The following FRY variants were observed in gnomAD, a reference collection of about 807,000 sequenced individuals.
FRY encodes the protein protein furry homolog.
In FRY, 128 loss-of-function variants were observed where a neutral mutation model predicts 348.4. The ratio of observed to expected loss-of-function variants is 0.37; its 90% CI spans 0.32 to 0.43. The LOEUF (loss-of-function observed/expected upper bound fraction) is 0.43, where lower values mean the gene tolerates loss of function less well. Among genes scored for constraint, FRY ranks in the 20% least tolerant of loss-of-function variants. The probability of loss-of-function intolerance (pLI) is 1.00; values close to 1 mark genes in which losing one functional copy is unlikely to be tolerated. For missense variants in FRY, 2,736 were observed against 3,695.2 expected (o/e 0.74, Z 6.73); for synonymous variants, 1,370 against 1,374.7 (o/e 1.00, Z 0.08).
intron 53 of FRY, among the ~76,000 whole-genome samples, chr13:32,263,103 A>C (rs1887749455): frequency 6.6e-6 from 1 of 152,202 alleles, no homozygotes; most frequent in Admixed American, 6.5e-5. Context: ...TGTCCTGAAA[A>C]CCATCCACTT....
intron 30 of FRY, 149 bp downstream of exon 30, chr13:32,202,189 T>C: frequency 1.3e-6 from 1 of 791,102 alleles, no homozygotes; most frequent in Non-Finnish European, 2.2e-6. Context: ...AGTAACTATA[T>C]AATCTTTTGT....
rs1429213654 is a variant in FRY, at chr13:32,298,453, A to G, written c.*2993A>G. On this transcript the variant is annotated 3_prime_UTR_variant, in exon 61 of 61. Coordinates refer to ENST00000542859, the MANE Select transcript of FRY (RefSeq NM_023037.3). ...CATGACCCAGGATATTTCTTTGTTCAGCAAATATTTATTGCATGCCCACTC... is the reference window on the plus strand; with the variant it reads ...CATGACCCAGGATATTTCTTTGTTCGGCAAATATTTATTGCATGCCCACTC... The G allele has an allele frequency of 6.6e-6, 1 of 152,260 alleles. No homozygotes were observed. The highest frequency in any genetic ancestry group is 1.5e-5 in the Non-Finnish European group (1 of 68,046). The allele number at this position is 152,260 out of a possible 1,614,324, so 9.4% of individuals were successfully genotyped here. A position where few individuals can be genotyped will look rare whatever the true frequency, so the allele number is the denominator to read the frequency against.
intron 24 of FRY, 33 bp downstream of exon 24, chr13:32,183,067 G>T (rs1037523082): frequency 8.1e-6 from 11 of 1,353,414 alleles, no homozygotes; most frequent in African/African-American, 1.4e-5. Context: ...TTAAGGCTTG[G>T]TTTTTTGGAC....
At chr13:32,155,428 T>C (rs1202790137) in intron 14 of FRY, 63 bp from the exon 15 acceptor site, 27 of 1,167,698 alleles carry the variant, frequency 2.3e-5, no homozygotes, top group Non-Finnish European at 3.4e-5. Context: ...GAAAGACTTA[T>C]GGATGTATTC....
At chr13:32,060,724 G>C in intron 1 of FRY, 1 of 178,186 alleles carries the variant, frequency 5.6e-6, no homozygotes, top group South Asian at 1.3e-4. Context: ...AACTGTGTGG[G>C]TCGGGCTCAT....
In FRY at chr13:32,234,770, G is replaced by C. The variant is rs755920173; in HGVS notation, c.5715+9G>C. 6.2e-7 allele frequency: 1 copy of C among 1,610,994 alleles called. No homozygotes were observed. Among genetic ancestry groups the C allele is most frequent in the Non-Finnish European group, 8.5e-7 (1 of 1,177,320 alleles). On this transcript the variant is annotated intron_variant, in intron 42 of 60. Coordinates refer to ENST00000542859, the MANE Select transcript of FRY (RefSeq NM_023037.3). ...ATGGAGATGAGATTCAGGTATGGAA[G>C]GGAAGACCACTGAGCTCGTGAAGGA... is the stretch of plus-strand genomic sequence containing the variant.
At chr13:32,095,997 A>C (rs1876678828) in intron 2 of FRY, among the ~76,000 whole-genome samples, 3 of 136,070 alleles carry the variant, frequency 2.2e-5, no homozygotes, top group African/African-American at 5.5e-5. Flanking sequence ...CCTTCCTTCC[A>C]TCTTTCTTCC....
rs2285330 is a variant in FRY at position 32,147,478 on chromosome 13, C to G, written c.1283+93C>G. On this transcript the variant is annotated intron_variant, in intron 12 of 60. Coordinates refer to ENST00000542859, the MANE Select transcript of FRY (RefSeq NM_023037.3). The stretch of plus-strand genomic sequence containing the variant: ...CTACCTATGCTAACTCAACTAGAAG[C>G]TATTCAAAGCTGACAGTTTCTAAAA... The G allele has an allele frequency of 0.33, 252,352 of 753,802 alleles. 43,991 individuals are homozygous for G. The highest frequency in any genetic ancestry group is 0.56 in the East Asian group (20,798 of 37,456). 46.7% of individuals were successfully genotyped at this position (753,802 alleles called of 1,614,324 possible). A position where few individuals can be genotyped will look rare whatever the true frequency, so the allele number is the denominator to read the frequency against.
At position 32,094,887 on chromosome 13, in the gene FRY, A is replaced by G. The variant is rs369911375; in HGVS notation, c.271-7076A>G. 2.0e-5 allele frequency among the ~76,000 whole-genome samples: 3 copies of G among 152,288 alleles called. No individual in the cohort carries two copies. In the East Asian group the frequency reaches 5.8e-4, roughly 29 times the overall value. Reference sequence around the variant, plus strand: ...TATTTGGAAAAGATTGCTGGATCATATGGTAGCTCTATTTCTAGTTTTTTG... The same window carrying G: ...TATTTGGAAAAGATTGCTGGATCATGTGGTAGCTCTATTTCTAGTTTTTTG... On this transcript the variant is annotated intron_variant, in intron 2 of 60. Coordinates refer to ENST00000542859, the MANE Select transcript of FRY (RefSeq NM_023037.3).
intron 1 of FRY, among the ~76,000 whole-genome samples, chr13:32,057,482 C>T (rs1303574484): frequency 6.6e-6 from 1 of 152,014 alleles, no homozygotes; most frequent in African/African-American, 2.4e-5. Context: ...TAGTAGGCTA[C>T]ATTTAGTGAG....
chr13:32,274,447 C>T (rs1290508997), intron 55 of FRY, among the ~76,000 whole-genome samples: 6 of 152,094 alleles, frequency 3.9e-5, no homozygotes, highest in Admixed American at 3.9e-4. Flanking sequence ...GTGGCTCACA[C>T]CTGTAATCCC....
chr13:32,280,307 G>A (rs1888745645), intron 58 of FRY, among the ~76,000 whole-genome samples: 1 of 152,170 alleles, frequency 6.6e-6, no homozygotes, highest in African/African-American at 2.4e-5. Flanking sequence ...TGAATATACA[G>A]TTCAAAAATC....
intron 22 of FRY, 92 bp from the exon 23 acceptor site, chr13:32,179,583 C>A: frequency 1.4e-5 from 17 of 1,211,378 alleles, no homozygotes; most frequent in Non-Finnish European, 1.5e-5. Context: ...TGGTTCAGTA[C>A]TTTGAAACTG....
intron 7 of FRY, among the ~76,000 whole-genome samples, chr13:32,128,870 C>T (rs1305241408): frequency 4.6e-5 from 7 of 152,220 alleles, no homozygotes; most frequent in Non-Finnish European, 8.8e-5. Context: ...CCTGGAATTA[C>T]GGATTCAGTA....
chr13:32,124,631 A>C lies in FRY; in HGVS notation c.585A>C (p.Leu195Phe). The C allele has an allele frequency of 6.3e-7, 1 of 1,597,662 alleles. No homozygotes were observed. The highest frequency in any genetic ancestry group is 8.6e-7 in the Non-Finnish European group (1 of 1,165,220). The change falls in exon 6 of 61, where the codon TTA becomes TTC. Residue 195 changes from leucine (L) to phenylalanine (F), a missense_variant. Physicochemically the swap from Leu to Phe is conservative, Grantham distance 22. This residue lies in a region of FRY where 309 missense variants were observed against 418.1 expected (regional missense o/e 0.74). Coordinates refer to ENST00000542859, the MANE Select transcript of FRY (RefSeq NM_023037.3). Reference sequence around the variant, plus strand: ...CACTTCATCCTGTAATAGACAGTTTAATACATGATGTTATTAACTTGGCTT... The same window carrying C: ...CACTTCATCCTGTAATAGACAGTTTCATACATGATGTTATTAACTTGGCTT... The part of the protein sequence containing the change: ...QIPLHPVIDS[L>F]IHDVINLAFK...
Position 32,152,722 on chromosome 13 carries a change from T to C in FRY, c.1480-2769T>C, listed in dbSNP as rs183563038. ...CATGACCTTCAGGTGGGAAAAAATT[T>C]CTAGGACATAAAAGTCATAAACTAT... On this transcript the variant is annotated intron_variant, in intron 14 of 60. Coordinates refer to ENST00000542859, the MANE Select transcript of FRY (RefSeq NM_023037.3). Among the ~76,000 whole-genome samples, 357 of 152,224 alleles carry C rather than the reference T, an allele frequency of 2.3e-3. 1 individual carries two copies. Among genetic ancestry groups the C allele is most frequent in the African/African-American group, 8.3e-3 (343 of 41,554 alleles).
chr13:32,181,918 A>G (rs1250642002), intron 23 of FRY, among the ~76,000 whole-genome samples: 2 of 152,236 alleles, frequency 1.3e-5, no homozygotes, highest in Non-Finnish European at 2.9e-5. Flanking sequence ...TATTTGTTAA[A>G]TGGTAGCTGT....
Position 32,205,202 on chromosome 13 carries a change from CAA to C in FRY, c.4018+2695_4018+2696del, listed in dbSNP as rs35930899. ...TGAGCGACAGAGCGAGACTCTGTCT[CAA>C]AAAAAAAAAAAAAAAAAAAGGTGTG... is the stretch of plus-strand genomic sequence containing the variant. On this transcript the variant is annotated intron_variant, in intron 31 of 60. Transcript: ENST00000542859. 9.2e-3 allele frequency among the ~76,000 whole-genome samples: 714 copies of C among 77,768 alleles called. 3 individuals carry two copies. The highest frequency in any genetic ancestry group is 0.034 in the African/African-American group (677 of 20,006). The allele number at this position is 77,768 out of a possible 152,430, so 51.0% of individuals were successfully genotyped here.
intron 36 of FRY, among the ~76,000 whole-genome samples, chr13:32,220,411 G>A (rs1885254357): frequency 6.6e-6 from 1 of 152,228 alleles, no homozygotes; most frequent in South Asian, 2.1e-4. Flanking sequence ...CTTCACTAGA[G>A]CTGTCAATAG....
Sources: allele counts gnomAD v4.1 joint callset (sites outside exome capture counted in the v4.1 genomes callset), GRCh38; gene constraint gnomAD v4.1.1; regional missense constraint gnomAD v4.1.1; transcripts MANE v1.5; gene names NCBI Gene and HGNC (gene_info 2026-07-23, HGNC 2026-07-21).